GSTA4: variants seen among roughly 807,000 people sequenced by gnomAD.
The protein encoded by GSTA4 is glutathione S-transferase alpha 4.
A neutral mutation model predicts 24.4 loss-of-function variants in GSTA4; 15 were observed. That is an observed-to-expected ratio of 0.61 (90% CI 0.41 to 0.95). GSTA4 has a LOEUF of 0.95. Among genes scored for constraint, GSTA4 ranks in the 40% least tolerant of loss-of-function variants. The probability of loss-of-function intolerance (pLI) is 0.00; values close to 1 mark genes in which losing one functional copy is unlikely to be tolerated. For missense variants in GSTA4, 244 were observed against 262.1 expected (o/e 0.93, Z 0.48); for synonymous variants, 92 against 94.2 (o/e 0.98, Z 0.13).
intron 4 of GSTA4, among the ~76,000 whole-genome samples, chr6:52,985,113 C>T (rs1763527850): frequency 6.6e-6 from 1 of 152,104 alleles, no homozygotes; most frequent in South Asian, 2.1e-4. Context: ...GCTCACTCTC[C>T]CAGGCCTTGA....
At chr6:52,979,227 A>G (rs1488832346) in intron 6 of GSTA4, among the ~76,000 whole-genome samples, 4 of 152,222 alleles carry the variant, frequency 2.6e-5, no homozygotes, top group African/African-American at 9.6e-5. Context: ...GTTGTGATCA[A>G]TTAGCTGTAA....
At chr6:52,982,734 A>G (rs747003292) in intron 5 of GSTA4, 29 bp from the exon 6 acceptor site, 1 of 1,581,646 alleles carries the variant, frequency 6.3e-7, no homozygotes, top group South Asian at 1.1e-5. Flanking sequence ...CATCAGTTAC[A>G]ATATTCCACA....
At chr6:52,980,014 G>A (rs541076014) in intron 6 of GSTA4, among the ~76,000 whole-genome samples, 3 of 152,206 alleles carry the variant, frequency 2.0e-5, no homozygotes, top group African/African-American at 7.2e-5. Flanking sequence ...ACACAGATCT[G>A]GTGTCCGATT....
Position 52,994,222 on chromosome 6 carries a change from G to C in GSTA4, c.22C>G (p.His8Asp), listed in dbSNP as rs1561988319. The C allele has an allele frequency of 6.2e-7, 1 of 1,613,276 alleles. No individual in the cohort carries two copies. The highest frequency in any genetic ancestry group is 8.5e-7 in the Non-Finnish European group (1 of 1,179,208). Residue 8 changes from histidine to aspartate, a missense_variant, in exon 2 of 7, where the codon CAC becomes GAC. By Grantham distance (81) the His-to-Asp change is moderately conservative. Coordinates refer to ENST00000370963, the MANE Select transcript of GSTA4 (RefSeq NM_001512.4). ...ATCCGGCCTCTTCCGTTGGGATAGT[G>C]GAGCTTGGGCCTTGCTGCCATGATA... MAARPKL[H>D]YPNGRGRMES...
chr6:52,992,863 G>A (rs949128260), intron 2 of GSTA4, among the ~76,000 whole-genome samples: 3 of 152,196 alleles, frequency 2.0e-5, no homozygotes, highest in Admixed American at 6.5e-5. Context: ...TACTTTGAGA[G>A]GCCCAGGTGG....
At chr6:52,983,670 T>C (rs565188126) in intron 5 of GSTA4, among the ~76,000 whole-genome samples, 46 of 152,328 alleles carry the variant, frequency 3.0e-4, no homozygotes, top group African/African-American at 1.1e-3. Context: ...TCTGGGCCCT[T>C]GGGACCTAAG....
At chr6:52,981,621 T>C (rs316138) in intron 6 of GSTA4, among the ~76,000 whole-genome samples, 85,729 of 151,994 alleles carry the variant, frequency 0.56, 24,517 homozygotes, top group East Asian at 0.74. Context: ...AATGTAAAAA[T>C]TATTCTTAAC....
chr6:52,978,402 A>C lies in GSTA4; in HGVS notation c.*68T>G. The C allele has an allele frequency of 2.0e-6, 3 of 1,518,980 alleles. No individual in the cohort carries two copies. Among genetic ancestry groups the C allele is most frequent in the Non-Finnish European group, 2.7e-6 (3 of 1,106,194 alleles). The allele number at this position is 1,518,980 out of a possible 1,614,324, so 94.1% of individuals were successfully genotyped here. The stretch of plus-strand genomic sequence containing the variant: ...TAGCACCATGACAGAGCTGGGATCC[A>C]TTAAGACATGACTGTAGACAATACC... On this transcript the variant is annotated 3_prime_UTR_variant, in exon 7 of 7. Transcript: ENST00000370963.
chr6:52,992,390 G>T (rs1048725954), intron 2 of GSTA4, among the ~76,000 whole-genome samples: 1 of 152,170 alleles, frequency 6.6e-6, no homozygotes, highest in African/African-American at 2.4e-5. Flanking sequence ...CACCCAGGAG[G>T]TAGAGCTTAA....
chr6:52,982,617 T>C lies in GSTA4; in HGVS notation c.503A>G (p.Glu168Gly). 1 of 1,610,190 alleles carries C rather than the reference T, an allele frequency of 6.2e-7. No homozygotes were observed. Among genetic ancestry groups the C allele is most frequent in the Non-Finnish European group, 8.5e-7 (1 of 1,176,608 alleles). Residue 168 changes from glutamate (E) to glycine (G), a missense_variant, in exon 6 of 7, where the codon GAA becomes GGA. Physicochemically the swap from Glu to Gly is moderately conservative, Grantham distance 98. Coordinates refer to ENST00000370963, the MANE Select transcript of GSTA4 (RefSeq NM_001512.4). ...AGACAGGATATTAGGAATTTTCTCT[T>C]CTAGAGCTAAAATGGTTTGGAGTAA... ...VILLQTILAL[E>G]EKIPNILSAF...
chr6:52,981,401 A>G (rs1321477309), intron 6 of GSTA4, among the ~76,000 whole-genome samples: 2 of 152,248 alleles, frequency 1.3e-5, no homozygotes, highest in Non-Finnish European at 2.9e-5. Flanking sequence ...ATAAAGGACC[A>G]GTCAGCAAAT....
At chr6:52,994,714 T>C (rs1406312389) in intron 1 of GSTA4, among the ~76,000 whole-genome samples, 4 of 152,198 alleles carry the variant, frequency 2.6e-5, no homozygotes, top group Non-Finnish European at 5.9e-5. Context: ...TATTTTATTA[T>C]CACGGCAACT....
At chr6:52,982,475 T>TACACAC (rs3831189) in intron 6 of GSTA4, 99 bp downstream of exon 6, 72 of 577,348 alleles carry the variant, frequency 1.2e-4, no homozygotes, top group Middle Eastern at 6.1e-4. Flanking sequence ...ATATTACACA[T>TACACAC]ACACACACAC....
At chr6:52,983,619 GT>G (rs1218206064) in intron 5 of GSTA4, among the ~76,000 whole-genome samples, 2 of 152,176 alleles carry the variant, frequency 1.3e-5, no homozygotes, top group African/African-American at 4.8e-5. Flanking sequence ...AGGGACAACG[GT>G]TCTCACCTCA....
At chr6:52,991,756 C>CTTTTTT (rs11440808) in intron 2 of GSTA4, among the ~76,000 whole-genome samples, 2 of 130,122 alleles carry the variant, frequency 1.5e-5, no homozygotes, top group African/African-American at 6.0e-5. Context: ...CTATTAATAC[C>CTTTTTT]TTTTTTTTTT....
intron 5 of GSTA4, among the ~76,000 whole-genome samples, chr6:52,983,728 C>A (rs1763497295): frequency 6.6e-6 from 1 of 152,198 alleles, no homozygotes; most frequent in Non-Finnish European, 1.5e-5. Context: ...TGTGCCCGTT[C>A]CAGACCACAT....
intron 6 of GSTA4, among the ~76,000 whole-genome samples, chr6:52,980,921 C>T (rs1763440227): frequency 6.6e-6 from 1 of 152,166 alleles, no homozygotes; most frequent in African/African-American, 2.4e-5. Flanking sequence ...AAGTGCCTAG[C>T]AGACTGACTG....
rs67390777 is a variant in GSTA4, at chr6:52,982,352, T to TA, written c.546+221dup. Among the ~76,000 whole-genome samples, 212 of 150,336 alleles carry TA rather than the reference T, an allele frequency of 1.4e-3. 2 individuals carry two copies. The highest frequency in any genetic ancestry group is 1.8e-3 in the East Asian group (9 of 5,116). ...TGGGCAACATAGTAAGATCCCACCT[T>TA]AAAAAAAAAAAATTTTACACTTCAA... On this transcript the variant is annotated intron_variant, in intron 6 of 6. Coordinates refer to ENST00000370963, the MANE Select transcript of GSTA4 (RefSeq NM_001512.4).
In GSTA4 at chr6:52,994,217, A is replaced by G; in HGVS notation, c.27T>C (p.Tyr9=). The G allele has an allele frequency of 6.2e-7, 1 of 1,613,554 alleles. No homozygotes were observed. The highest frequency in any genetic ancestry group is 8.5e-7 in the Non-Finnish European group (1 of 1,179,510). The change falls in exon 2 of 7, where the codon TAT becomes TAC. Residue 9 remains tyrosine (Y), a synonymous_variant. Coordinates refer to ENST00000370963, the MANE Select transcript of GSTA4 (RefSeq NM_001512.4). MAARPKLH[Y]PNGRGRMESV... is the part of the protein sequence containing the mutation. ...ACTCCATCCGGCCTCTTCCGTTGGG[A>G]TAGTGGAGCTTGGGCCTTGCTGCCA...
Sources: allele counts gnomAD v4.1 joint callset (sites outside exome capture counted in the v4.1 genomes callset), GRCh38; gene constraint gnomAD v4.1.1; transcripts MANE v1.5; gene names NCBI Gene and HGNC (gene_info 2026-07-23, HGNC 2026-07-21).